Variants in ADAMTSL1 observed in about 807,000 individuals in gnomAD.
The protein encoded by ADAMTSL1 is ADAMTS like 1.
Under a neutral mutation model 201.8 loss-of-function variants are expected in ADAMTSL1, and 126 were observed. The ratio of observed to expected loss-of-function variants is 0.62; its 90% CI spans 0.54 to 0.72. ADAMTSL1 has a LOEUF of 0.72. ADAMTSL1 is among the 30% of genes least tolerant of loss of function. ADAMTSL1 has a pLI of 0.00. For synonymous variants in ADAMTSL1, 1,121 were observed against 903.4 expected, an observed-to-expected ratio of 1.24 and a Z score of -4.32; for missense variants, 2,679 against 2,277.8, an observed-to-expected ratio of 1.18 and a Z score of -3.59.
chr9:18,537,593 G>C (rs1219047815), intron 3 of ADAMTSL1, among the ~76,000 whole-genome samples: 1 of 152,166 alleles, frequency 6.6e-6, no homozygotes, highest in East Asian at 1.9e-4. Context: ...TGGATGGCCA[G>C]GCACCATGGC....
chr9:18,079,755 T>C (rs1446319385), intron 1 of ADAMTSL1, among the ~76,000 whole-genome samples: 1 of 152,056 alleles, frequency 6.6e-6, no homozygotes, highest in Non-Finnish European at 1.5e-5. Context: ...CAACCATTGG[T>C]ACATGTCTGA....
At chr9:18,882,605 G>A (rs558227411) in intron 23 of ADAMTSL1, among the ~76,000 whole-genome samples, 118 of 152,222 alleles carry the variant, frequency 7.8e-4, no homozygotes, top group South Asian at 6.4e-3. Flanking sequence ...TTCAGAACAG[G>A]AGTGCAGTGA....
intron 1 of ADAMTSL1, among the ~76,000 whole-genome samples, chr9:18,082,150 T>A (rs897295042): frequency 1.3e-5 from 2 of 152,232 alleles, no homozygotes; most frequent in African/African-American, 4.8e-5. Context: ...ATTCACATTT[T>A]TTTGGACAGC....
At chr9:18,841,713 G>A (rs1468443786) in intron 23 of ADAMTSL1, among the ~76,000 whole-genome samples, 1 of 152,174 alleles carries the variant, frequency 6.6e-6, no homozygotes, top group East Asian at 1.9e-4. Context: ...CACAATTTCA[G>A]TTCCTGTTAT....
rs139451990 is a variant in ADAMTSL1 at position 18,396,525 on chromosome 9, A to T, written c.208-108304A>T. On this transcript the variant is annotated intron_variant, in intron 2 of 29. Transcript: ENST00000680146. ...ATGAGTGAAATTATATATTAATTAT[A>T]TTAATTTATATCAAGTAATATAATT... 5.6e-3 allele frequency among the ~76,000 whole-genome samples: 827 copies of T among 148,146 alleles called. 7 individuals carry two copies. The highest frequency in any genetic ancestry group is 0.019 in the African/African-American group (778 of 40,934).
intron 2 of ADAMTSL1, among the ~76,000 whole-genome samples, chr9:18,215,116 T>C (rs1034518309): frequency 5.3e-5 from 8 of 152,202 alleles, no homozygotes; most frequent in Non-Finnish European, 1.2e-4. Flanking sequence ...ATTAAAATAT[T>C]GTTACATTTT....
intron 1 of ADAMTSL1, among the ~76,000 whole-genome samples, chr9:18,061,190 A>AC (rs757668159): frequency 1.7e-4 from 26 of 152,214 alleles, no homozygotes; most frequent in Non-Finnish European, 3.1e-4. Context: ...CTAAACAGTT[A>AC]CATTTAAGTA....
At chr9:17,907,602 G>T (rs950735184) in intron 1 of ADAMTSL1, among the ~76,000 whole-genome samples, 1 of 152,130 alleles carries the variant, frequency 6.6e-6, no homozygotes, top group Non-Finnish European at 1.5e-5. Flanking sequence ...AGGAACTGGG[G>T]ACTTCTCCAG....
At chr9:18,458,979 G>C (rs1308438132) in intron 2 of ADAMTSL1, among the ~76,000 whole-genome samples, 1 of 152,082 alleles carries the variant, frequency 6.6e-6, no homozygotes, top group African/African-American at 2.4e-5. Flanking sequence ...ATATTAAACA[G>C]AACCTTTGTG....
intron 2 of ADAMTSL1, among the ~76,000 whole-genome samples, chr9:18,410,377 C>A (rs1053028182): frequency 1.3e-5 from 2 of 152,114 alleles, no homozygotes; most frequent in Non-Finnish European, 2.9e-5. Context: ...TCTCCCACCC[C>A]CCACAGCCCC....
chr9:18,357,766 T>C (rs912207809), intron 2 of ADAMTSL1, among the ~76,000 whole-genome samples: 1 of 152,080 alleles, frequency 6.6e-6, no homozygotes, highest in African/African-American at 2.4e-5. Flanking sequence ...TAACCTAGAA[T>C]TGGAAAACAT....
chr9:18,473,540 G>C (rs1166732508), upstream of ADAMTSL1, among the ~76,000 whole-genome samples: 1 of 152,150 alleles, frequency 6.6e-6, no homozygotes, highest in African/African-American at 2.4e-5. Flanking sequence ...TTTAGGCTTA[G>C]TGAGGAACCT....
chr9:17,939,652 G>A (rs1827153956), intron 1 of ADAMTSL1, among the ~76,000 whole-genome samples: 2 of 151,954 alleles, frequency 1.3e-5, no homozygotes, highest in African/African-American at 4.8e-5. Context: ...TTTTTCAGCT[G>A]GATTTTGATG....
chr9:18,258,336 G>A (rs1279859253), intron 2 of ADAMTSL1, among the ~76,000 whole-genome samples: 3 of 152,262 alleles, frequency 2.0e-5, no homozygotes, highest in African/African-American at 7.2e-5. Flanking sequence ...AGGTAAACGA[G>A]GAATTATCTG....
chr9:18,845,018 C>T (rs930199924), intron 23 of ADAMTSL1, among the ~76,000 whole-genome samples: 15 of 152,332 alleles, frequency 9.8e-5, no homozygotes, highest in African/African-American at 2.4e-4. Flanking sequence ...CGCCCTGCTT[C>T]GGCTCATGCA....
intron 2 of ADAMTSL1, among the ~76,000 whole-genome samples, chr9:18,359,254 C>T (rs190441250): frequency 1.1e-4 from 17 of 152,258 alleles, no homozygotes; most frequent in African/African-American, 4.1e-4. Context: ...TCTATCGGGG[C>T]CCTTTTGGAT....
chr9:18,216,801 C>G (rs1392771101), intron 2 of ADAMTSL1, among the ~76,000 whole-genome samples: 3 of 152,056 alleles, frequency 2.0e-5, no homozygotes, highest in African/African-American at 7.2e-5. Context: ...TTAATTTCAA[C>G]TTTTTATTCA....
rs146315936 is a variant in ADAMTSL1, at chr9:18,746,530, G to T, written c.2007-6768G>T. Among the ~76,000 whole-genome samples, 3 of 152,264 alleles carry T rather than the reference G, an allele frequency of 2.0e-5. No homozygotes were observed. The East Asian group carries it at 5.8e-4, about 29-fold the overall frequency. On this transcript the variant is annotated intron_variant, in intron 15 of 28. Transcript: ENST00000380548. ...CTTCAGTTTACAATAACTTCAGTTTGCTCCTAACCAAAACTTCATTTTACA... is the reference window on the plus strand; with the variant it reads ...CTTCAGTTTACAATAACTTCAGTTTTCTCCTAACCAAAACTTCATTTTACA...
At chr9:18,307,181 G>C (rs941875120) in intron 2 of ADAMTSL1, among the ~76,000 whole-genome samples, 6 of 151,994 alleles carry the variant, frequency 3.9e-5, no homozygotes, top group Non-Finnish European at 8.8e-5. Context: ...CTTTACAAAA[G>C]CTCCTGAAGG....
Sources: allele counts gnomAD v4.1 joint callset (sites outside exome capture counted in the v4.1 genomes callset), GRCh38; gene constraint gnomAD v4.1.1; transcripts MANE v1.5; gene names NCBI Gene and HGNC (gene_info 2026-07-23, HGNC 2026-07-21).